DOCK1: variants seen among roughly 807,000 people sequenced by gnomAD.
DOCK1 encodes dedicator of cytokinesis protein 1.
Under a neutral mutation model 262.7 loss-of-function variants are expected in DOCK1, and 138 were observed. The ratio of observed to expected loss-of-function variants is 0.53; its 90% CI spans 0.46 to 0.61. DOCK1 has a LOEUF of 0.61. DOCK1 is among the 20% of genes least tolerant of loss of function. DOCK1 has a pLI of 0.00. For missense variants in DOCK1, 1,908 were observed against 2,370.7 expected (o/e 0.80, Z 4.05); for synonymous variants, 866 against 867.4 (o/e 1.00, Z 0.03).
At chr10:126,954,051 G>A (rs1027562189) in intron 1 of DOCK1, among the ~76,000 whole-genome samples, 3 of 152,140 alleles carry the variant, frequency 2.0e-5, no homozygotes, top group African/African-American at 4.8e-5. Flanking sequence ...GTGTGCTTTC[G>A]TCCTGCCCAG....
intron 29 of DOCK1, among the ~76,000 whole-genome samples, chr10:127,327,745 C>T (rs1439194081): frequency 6.6e-6 from 1 of 152,182 alleles, no homozygotes; most frequent in Non-Finnish European, 1.5e-5. Flanking sequence ...TGGTAGGACC[C>T]AGCCTCTCTA....
intron 10 of DOCK1, among the ~76,000 whole-genome samples, chr10:127,002,645 G>A (rs773719885): frequency 6.6e-6 from 1 of 152,106 alleles, no homozygotes; most frequent in Non-Finnish European, 1.5e-5. Flanking sequence ...GGGGCAGGGC[G>A]GGCAGCCTGG....
intron 20 of DOCK1, 138 bp downstream of exon 20, chr10:127,042,852 G>A: frequency 1.0e-6 from 1 of 962,584 alleles, no homozygotes. Context: ...AGATGAATTG[G>A]GGTGGCAGAT....
chr10:126,960,750 A>C (rs945874446), intron 1 of DOCK1, among the ~76,000 whole-genome samples: 1 of 145,846 alleles, frequency 6.9e-6, no homozygotes, highest in Non-Finnish European at 1.5e-5. Context: ...ATATATACAC[A>C]CACACACACA....
chr10:127,118,333 A>G (rs1592094860), intron 25 of DOCK1, among the ~76,000 whole-genome samples: 1 of 152,120 alleles, frequency 6.6e-6, no homozygotes, highest in African/African-American at 2.4e-5. Context: ...GCATCTTGCC[A>G]ATTTTTTCAT....
intron 29 of DOCK1, among the ~76,000 whole-genome samples, chr10:127,261,048 CTCA>C (rs1378047149): frequency 8.6e-6 from 1 of 116,554 alleles, no homozygotes; most frequent in Non-Finnish European, 1.7e-5. Context: ...TGTACCCGTG[CTCA>C]TGTGTGTGTG....
At chr10:127,322,753 G>A (rs766131590) in intron 29 of DOCK1, among the ~76,000 whole-genome samples, 10 of 152,190 alleles carry the variant, frequency 6.6e-5, no homozygotes, top group South Asian at 2.1e-4. Context: ...CTGCTTTTGC[G>A]CTGTTATAAT....
At chr10:126,948,628 C>A (rs937526557) in intron 1 of DOCK1, among the ~76,000 whole-genome samples, 1 of 151,954 alleles carries the variant, frequency 6.6e-6, no homozygotes, top group African/African-American at 2.4e-5. Context: ...AGGAAAGTTT[C>A]CCGATGTGGG....
intron 23 of DOCK1, among the ~76,000 whole-genome samples, chr10:127,066,073 G>A (rs180708020): frequency 1.5e-4 from 23 of 152,022 alleles, no homozygotes; most frequent in African/African-American, 4.8e-4. Flanking sequence ...AATTCAACCC[G>A]TGCCTTCTGG....
intron 28 of DOCK1, among the ~76,000 whole-genome samples, chr10:127,250,059 C>T (rs984549946): frequency 1.3e-5 from 2 of 152,102 alleles, no homozygotes; most frequent in Non-Finnish European, 2.9e-5. Flanking sequence ...ACACCCGACC[C>T]CCTGCTTTGG....
chr10:127,186,665 C>A (rs1297936542), intron 27 of DOCK1, among the ~76,000 whole-genome samples: 2 of 151,858 alleles, frequency 1.3e-5, no homozygotes, highest in Non-Finnish European at 2.9e-5. Context: ...CTTTCATTTT[C>A]CTGTTCTTTA....
intron 29 of DOCK1, among the ~76,000 whole-genome samples, chr10:127,282,511 T>G (rs2060998780): frequency 6.6e-6 from 1 of 152,210 alleles, no homozygotes. Context: ...CTCAGATTCA[T>G]TGACACTTCT....
At chr10:127,071,071 TAAGA>T (rs2135925887) in intron 23 of DOCK1, among the ~76,000 whole-genome samples, 1 of 152,248 alleles carries the variant, frequency 6.6e-6, no homozygotes, top group Admixed American at 6.5e-5. Context: ...TGTGTCATGT[TAAGA>T]AAGACTCAGC....
chr10:127,124,444 G>A lies in DOCK1; in HGVS notation c.2624-1030G>A, dbSNP rs144432150. On this transcript the variant is annotated intron_variant, in intron 25 of 51. Coordinates refer to ENST00000623213, the MANE Select transcript of DOCK1 (RefSeq NM_001290223.2). Reference sequence around the variant, plus strand: ...TAGTCCATGCTGGAGAGTGGATGATGCTCCAGCTAAGCTGGATTTCCCAAC... The same window carrying A: ...TAGTCCATGCTGGAGAGTGGATGATACTCCAGCTAAGCTGGATTTCCCAAC... 1.4e-4 allele frequency among the ~76,000 whole-genome samples: 21 copies of A among 152,286 alleles called. No individual in the cohort carries two copies. The South Asian group carries it at 2.3e-3, about 17-fold the overall frequency.
At chr10:126,928,031 C>T (rs2033895258) in intron 1 of DOCK1, among the ~76,000 whole-genome samples, 2 of 152,190 alleles carry the variant, frequency 1.3e-5, no homozygotes, top group Admixed American at 1.3e-4. Flanking sequence ...CTCTGACAGA[C>T]ATACTGAAGA....
At chr10:127,005,684 A>T (rs573816507) in intron 10 of DOCK1, among the ~76,000 whole-genome samples, 1 of 152,316 alleles carries the variant, frequency 6.6e-6, no homozygotes, top group East Asian at 1.9e-4. Flanking sequence ...TAAATAAATT[A>T]TCCATAGTTT....
chr10:127,338,385 A>G (rs976240582), intron 29 of DOCK1, among the ~76,000 whole-genome samples: 3 of 152,262 alleles, frequency 2.0e-5, no homozygotes, highest in African/African-American at 7.2e-5. Flanking sequence ...TAGAGTGTTA[A>G]AATTATACTT....
At chr10:127,321,008 G>A (rs570349516) in intron 29 of DOCK1, among the ~76,000 whole-genome samples, 2 of 152,194 alleles carry the variant, frequency 1.3e-5, no homozygotes, top group East Asian at 3.9e-4. Flanking sequence ...CTCCCCATGA[G>A]GCTAATGAAA....
At chr10:127,204,193 G>A (rs953694492) in intron 27 of DOCK1, among the ~76,000 whole-genome samples, 9 of 152,264 alleles carry the variant, frequency 5.9e-5, no homozygotes, top group East Asian at 5.8e-4. Flanking sequence ...TCATTTAAGC[G>A]AGGGAGGCAA....
Sources: gnomAD v4.1 joint callset for allele counts (sites outside exome capture counted in the v4.1 genomes callset) on GRCh38, gnomAD v4.1.1 for gene constraint, MANE v1.5 for transcripts, NCBI Gene and HGNC (gene_info 2026-07-23, HGNC 2026-07-21) for gene names.